The following CASD1 variants were observed in gnomAD, a reference collection of about 807,000 sequenced individuals.
CASD1 encodes the protein CAS1 domain sialic acid O acetyltransferase 1.
In CASD1, 41 loss-of-function variants were observed where a neutral mutation model predicts 100.0. The observed-to-expected ratio is 0.41, with a 90% CI of 0.32 to 0.53. The LOEUF (loss-of-function observed/expected upper bound fraction) is 0.53, where lower values mean the gene tolerates loss of function less well. CASD1 is among the 20% of genes least tolerant of loss of function. The probability of loss-of-function intolerance (pLI) is 0.25; values close to 1 mark genes in which losing one functional copy is unlikely to be tolerated. For missense variants in CASD1, 774 were observed against 948.7 expected (o/e 0.82, Z 2.42); for synonymous variants, 321 against 315.6 (o/e 1.02, Z -0.18).
At chr7:94,592,388 G>A in the CASD1 span, among the ~76,000 whole-genome samples, 11 of 152,118 alleles carry the variant, frequency 7.2e-5, no homozygotes, top group South Asian at 2.1e-3. Context: ...GCGGGGGGTC[G>A]ACTTCAAATA....
intron 1 of CASD1, among the ~76,000 whole-genome samples, chr7:94,517,351 G>A (rs1365236255): frequency 6.6e-6 from 1 of 152,212 alleles, no homozygotes; most frequent in African/African-American, 2.4e-5. Context: ...GTTAGGTGAA[G>A]TATAAGCCAT....
intron 16 of CASD1, among the ~76,000 whole-genome samples, chr7:94,553,361 T>G (rs1388777296): frequency 6.6e-6 from 1 of 152,140 alleles, no homozygotes; most frequent in African/African-American, 2.4e-5. Flanking sequence ...AGCAAAAGAC[T>G]AGATTTAAAC....
the CASD1 span, chr7:94,625,368 T>TA: frequency 6.6e-6 from 1 of 151,992 alleles, no homozygotes; most frequent in Non-Finnish European, 1.5e-5. Context: ...TTCTTTTTTT[T>TA]ATCTTTTTAC....
intron 11 of CASD1, 54 bp from the exon 12 acceptor site, chr7:94,545,491 C>G: frequency 7.0e-7 from 1 of 1,422,926 alleles, no homozygotes; most frequent in Non-Finnish European, 9.8e-7. Flanking sequence ...TCGTGTGTAC[C>G]TAGAATGAAA....
In CASD1 at chr7:94,545,746, C is replaced by T. The variant is rs766666587; in HGVS notation, c.1633+45C>T. 2.4e-5 allele frequency: 32 copies of T among 1,323,800 alleles called. 1 individual carries two copies. The highest frequency in any genetic ancestry group is 2.2e-4 in the South Asian group (14 of 64,936). The allele number at this position is 1,323,800 out of a possible 1,614,324, so 82.0% of individuals were successfully genotyped here. ...AATGTTAGTAAATATATTTTTTCAA[C>T]GTGTGAAATTTCTTTGTAGTTGCTA... On this transcript the variant is annotated intron_variant, in intron 12 of 17. Coordinates refer to ENST00000297273, the MANE Select transcript of CASD1 (RefSeq NM_022900.5).
Position 94,554,499 on chromosome 7 carries a change from T to A in CASD1, c.2051T>A (p.Leu684Gln). 6.2e-7 allele frequency: 1 copy of A among 1,609,594 alleles called. No individual in the cohort carries two copies. Among genetic ancestry groups the A allele is most frequent in the South Asian group, 1.1e-5 (1 of 90,430 alleles). Residue 684 changes from leucine to glutamine, a missense_variant, in exon 17 of 18, where the codon CTA becomes CAA. Physicochemically the swap from Leu to Gln is moderately radical, Grantham distance 113 (BLOSUM62 -2). Transcript: ENST00000297273. ...VSVVQILAFI[L>Q]IRNIPGYARS... ...TTTCTTTAGATTTTAGCCTTCATCCTAATAAGAAACATCCCTGGATATGCC... is the reference window on the plus strand; with the variant it reads ...TTTCTTTAGATTTTAGCCTTCATCCAAATAAGAAACATCCCTGGATATGCC...
At position 94,528,484 on chromosome 7, in the gene CASD1, C is replaced by T. The variant is rs538864069; in HGVS notation, c.459+234C>T. Reference sequence around the variant, plus strand: ...TAACCATAAAGCAGATTATGTTTATCCCAGACTTTTCATATTTAAAGTCTT... The same window carrying T: ...TAACCATAAAGCAGATTATGTTTATTCCAGACTTTTCATATTTAAAGTCTT... On this transcript the variant is annotated intron_variant, in intron 5 of 17. Coordinates refer to ENST00000297273, the MANE Select transcript of CASD1 (RefSeq NM_022900.5). 9.2e-5 allele frequency among the ~76,000 whole-genome samples: 14 copies of T among 152,208 alleles called. No homozygotes were observed. The South Asian group carries it at 2.5e-3, about 27-fold the overall frequency.
intron 3 of CASD1, among the ~76,000 whole-genome samples, chr7:94,522,584 A>G (rs1584384839): frequency 6.6e-6 from 1 of 152,262 alleles, no homozygotes; most frequent in Non-Finnish European, 1.5e-5. Context: ...TTATAGCTCA[A>G]TAATTTAGAA....
At chr7:94,538,297 T>C (rs1795216184) in intron 9 of CASD1, among the ~76,000 whole-genome samples, 1 of 152,160 alleles carries the variant, frequency 6.6e-6, no homozygotes, top group East Asian at 1.9e-4. Flanking sequence ...TTTATATTTA[T>C]ATATTTATCA....
downstream of CASD1, among the ~76,000 whole-genome samples, chr7:94,561,601 A>AT (rs901269761): frequency 8.0e-4 from 120 of 149,262 alleles, no homozygotes; most frequent in East Asian, 2.0e-3. Context: ...CACAGATTCA[A>AT]TTTTTTTTTT....
chr7:94,542,222 T>G (rs1795437719), intron 10 of CASD1, among the ~76,000 whole-genome samples: 2 of 152,144 alleles, frequency 1.3e-5, no homozygotes, highest in South Asian at 4.1e-4. Flanking sequence ...TTTCAAATAT[T>G]TATAGAGCCA....
At chr7:94,553,691 T>G (rs1363765221) in intron 16 of CASD1, among the ~76,000 whole-genome samples, 1 of 152,082 alleles carries the variant, frequency 6.6e-6, no homozygotes, top group East Asian at 1.9e-4. Context: ...GATTCTTTGC[T>G]TGGTAAGCTG....
At chr7:94,525,257 A>G (rs556800815) in intron 3 of CASD1, among the ~76,000 whole-genome samples, 22 of 152,350 alleles carry the variant, frequency 1.4e-4, no homozygotes, top group Admixed American at 1.4e-3. Context: ...TGAAAGTTGG[A>G]GAGAAAGCCA....
the CASD1 span, chr7:94,618,593 CATCTTTGCCAATATAGAA>C: frequency 1.6e-6 from 1 of 611,732 alleles, no homozygotes; most frequent in Non-Finnish European, 2.8e-6. Context: ...ACTAACACAA[CATCTTTGCCAATATAGAA>C]AATTACTAGT....
the CASD1 span, among the ~76,000 whole-genome samples, chr7:94,613,571 C>G: frequency 1.3e-5 from 2 of 151,956 alleles, no homozygotes; most frequent in African/African-American, 4.8e-5. Flanking sequence ...TTTTTTATCC[C>G]AACAATTCAA....
At chr7:94,550,011 A>G (rs1317094499) in intron 14 of CASD1, among the ~76,000 whole-genome samples, 1 of 152,086 alleles carries the variant, frequency 6.6e-6, no homozygotes, top group African/African-American at 2.4e-5. Context: ...AAGAAAGAAG[A>G]CATCTCAGCA....
At chr7:94,619,045 C>G in the CASD1 span, 1 of 914,838 alleles carries the variant, frequency 1.1e-6, no homozygotes. Context: ...TTGTTGAGTT[C>G]TGTCATAATC....
At chr7:94,598,768 CACTT>C in the CASD1 span, 1 of 1,587,522 alleles carries the variant, frequency 6.3e-7, no homozygotes, top group Non-Finnish European at 8.7e-7. Context: ...TCTAAGTGGA[CACTT>C]ACTGCTGCGT....
chr7:94,544,380 A>G (rs773456274), intron 10 of CASD1, 31 bp from the exon 11 acceptor site: 288 of 1,610,860 alleles, frequency 1.8e-4, no homozygotes, highest in Non-Finnish European at 2.4e-4. Flanking sequence ...TGATGCCAAC[A>G]TATGTTTTAC....
Sources: gnomAD v4.1 joint callset for allele counts (sites outside exome capture counted in the v4.1 genomes callset) on GRCh38, gnomAD v4.1.1 for gene constraint, MANE v1.5 for transcripts, NCBI Gene and HGNC (gene_info 2026-07-23, HGNC 2026-07-21) for gene names.